The following TAFA1 variants were observed in gnomAD, a reference collection of about 807,000 sequenced individuals.
The protein encoded by TAFA1 is chemokine-like protein TAFA-1.
A neutral mutation model predicts 18.5 loss-of-function variants in TAFA1; 4 were observed. That is an observed-to-expected ratio of 0.22 (90% CI 0.11 to 0.49). TAFA1 has a LOEUF of 0.49. TAFA1 is among the 20% of genes least tolerant of loss of function. The probability of loss-of-function intolerance (pLI) is 0.98; values close to 1 mark genes in which losing one functional copy is unlikely to be tolerated. For synonymous variants in TAFA1, 56 were observed against 55.2 expected, an observed-to-expected ratio of 1.01 and a Z score of -0.06; for missense variants, 147 against 169.0, an observed-to-expected ratio of 0.87 and a Z score of 0.72.
At chr3:68,116,997 T>C (rs920338232) in intron 2 of TAFA1, among the ~76,000 whole-genome samples, 1 of 152,254 alleles carries the variant, frequency 6.6e-6, no homozygotes. Context: ...TGCTGATCTC[T>C]GATTTAGAAA....
At chr3:68,131,016 G>A (rs1407024324) in intron 2 of TAFA1, among the ~76,000 whole-genome samples, 1 of 152,098 alleles carries the variant, frequency 6.6e-6, no homozygotes, top group Non-Finnish European at 1.5e-5. Flanking sequence ...GAGCTTTTTC[G>A]ACTTCACCAT....
intron 2 of TAFA1, among the ~76,000 whole-genome samples, chr3:68,310,213 C>T (rs1425541899): frequency 1.3e-5 from 2 of 151,956 alleles, no homozygotes; most frequent in African/African-American, 4.8e-5. Flanking sequence ...TTACTTGTAC[C>T]AATAACCAAA....
intron 2 of TAFA1, among the ~76,000 whole-genome samples, chr3:68,106,208 T>C (rs2106826970): frequency 6.6e-6 from 1 of 152,148 alleles, no homozygotes; most frequent in Non-Finnish European, 1.5e-5. Context: ...CTAGCCATAC[T>C]TCACACCATA....
intron 2 of TAFA1, among the ~76,000 whole-genome samples, chr3:68,096,481 A>G (rs2106807806): frequency 6.6e-6 from 1 of 152,260 alleles, no homozygotes; most frequent in Admixed American, 6.5e-5. Context: ...AGTAGAGCTG[A>G]CTTCAGAGAA....
intron 2 of TAFA1, among the ~76,000 whole-genome samples, chr3:68,337,356 C>T (rs2068990050): frequency 6.6e-6 from 1 of 152,044 alleles, no homozygotes; most frequent in Non-Finnish European, 1.5e-5. Flanking sequence ...TGAGACCTCA[C>T]TTACTGTCAC....
At chr3:68,267,335 A>G (rs1040684799) in intron 2 of TAFA1, among the ~76,000 whole-genome samples, 10 of 152,218 alleles carry the variant, frequency 6.6e-5, no homozygotes, top group African/African-American at 2.4e-4. Flanking sequence ...TTACTCAAAC[A>G]AAACTGTTCT....
At chr3:68,423,110 A>G (rs2106814398) in intron 3 of TAFA1, among the ~76,000 whole-genome samples, 1 of 152,250 alleles carries the variant, frequency 6.6e-6, no homozygotes, top group South Asian at 2.1e-4. Context: ...TATGATTCTG[A>G]TTAATCTACA....
At chr3:68,329,514 C>A (rs17047525) in intron 2 of TAFA1, among the ~76,000 whole-genome samples, 11,608 of 152,100 alleles carry the variant, frequency 0.076, 708 homozygotes, top group African/African-American at 0.17. Flanking sequence ...TGGTTAATGA[C>A]ATGTTAGAGA....
intron 2 of TAFA1, among the ~76,000 whole-genome samples, chr3:68,289,024 A>G (rs1393946056): frequency 6.6e-6 from 1 of 152,232 alleles, no homozygotes; most frequent in African/African-American, 2.4e-5. Context: ...TGTAGCATTT[A>G]TTGAAGTGAA....
chr3:68,208,083 GAGA>G (rs1238374068), intron 2 of TAFA1, among the ~76,000 whole-genome samples: 1 of 151,898 alleles, frequency 6.6e-6, no homozygotes. Flanking sequence ...TATGAAAAAA[GAGA>G]AGATGAGGTT....
chr3:68,339,645 C>A (rs2069046200), intron 2 of TAFA1, among the ~76,000 whole-genome samples: 1 of 152,230 alleles, frequency 6.6e-6, no homozygotes, highest in African/African-American at 2.4e-5. Context: ...TACAACTCTA[C>A]TTAAACATTG....
chr3:68,465,091 A>T (rs543492404), intron 3 of TAFA1, among the ~76,000 whole-genome samples: 1 of 152,266 alleles, frequency 6.6e-6, no homozygotes, highest in African/African-American at 2.4e-5. Flanking sequence ...ATGTGGCTTT[A>T]TTCTAGATAC....
At chr3:68,078,299 T>C (rs907966759) in intron 2 of TAFA1, among the ~76,000 whole-genome samples, 6 of 151,610 alleles carry the variant, frequency 4.0e-5, no homozygotes, top group Non-Finnish European at 1.5e-5. Context: ...GAATACCCTT[T>C]ATTTCCTTCT....
At chr3:68,460,906 ATCT>A (rs1362060144) in intron 3 of TAFA1, among the ~76,000 whole-genome samples, 1 of 152,208 alleles carries the variant, frequency 6.6e-6, no homozygotes, top group Non-Finnish European at 1.5e-5. Context: ...AAAGAAATAT[ATCT>A]TAAAATGGAA....
chr3:68,496,447 G>A (rs1358998953), intron 3 of TAFA1, among the ~76,000 whole-genome samples: 1 of 152,104 alleles, frequency 6.6e-6, no homozygotes, highest in East Asian at 1.9e-4. Flanking sequence ...TCAATGCTCT[G>A]AGAAGCCCAA....
intron 2 of TAFA1, among the ~76,000 whole-genome samples, chr3:68,298,532 C>G (rs2068251094): frequency 6.6e-6 from 1 of 152,088 alleles, no homozygotes; most frequent in Non-Finnish European, 1.5e-5. Flanking sequence ...TAGCTGTGTC[C>G]CTACCCAAAC....
At chr3:68,432,019 C>G (rs1048874347) in intron 3 of TAFA1, among the ~76,000 whole-genome samples, 7 of 151,966 alleles carry the variant, frequency 4.6e-5, no homozygotes, top group Non-Finnish European at 1.0e-4. Flanking sequence ...CTGGAATTTA[C>G]AGGTAACACC....
intron 2 of TAFA1, among the ~76,000 whole-genome samples, chr3:68,294,806 G>T (rs1190492605): frequency 6.6e-6 from 1 of 152,138 alleles, no homozygotes; most frequent in Non-Finnish European, 1.5e-5. Flanking sequence ...GAGCCTGGGA[G>T]GTTGAGGCTG....
At chr3:68,049,275 T>C (rs2064435604) in intron 2 of TAFA1, among the ~76,000 whole-genome samples, 1 of 152,188 alleles carries the variant, frequency 6.6e-6, no homozygotes, top group South Asian at 2.1e-4. Flanking sequence ...AGAGTGTCTA[T>C]TGAAGAAAGG....
Sources: allele counts gnomAD v4.1 joint callset (sites outside exome capture counted in the v4.1 genomes callset), GRCh38; gene constraint gnomAD v4.1.1; transcripts MANE v1.5; gene names NCBI Gene and HGNC (gene_info 2026-07-23, HGNC 2026-07-21).